CNTN4: variants seen among roughly 807,000 people sequenced by gnomAD.
CNTN4 encodes contactin-4.
CNTN4 carries 77 observed loss-of-function variants against 122.5 expected under a neutral mutation model. The ratio of observed to expected loss-of-function variants is 0.63; its 90% CI spans 0.52 to 0.76. The LOEUF (loss-of-function observed/expected upper bound fraction) is 0.76. Among genes scored for constraint, CNTN4 ranks in the 30% least tolerant of loss-of-function variants. The pLI is 0.00. For missense variants in CNTN4, 1,256 were observed against 1,259.1 expected (o/e 1.00, Z 0.04); for synonymous variants, 512 against 447.0 (o/e 1.15, Z -1.83).
chr3:2,800,421 C>T (rs1444862787), intron 6 of CNTN4, among the ~76,000 whole-genome samples: 1 of 152,110 alleles, frequency 6.6e-6, no homozygotes, highest in Admixed American at 6.5e-5. Flanking sequence ...AATCTCACAG[C>T]ATTTTGTTTA....
intron 3 of CNTN4, among the ~76,000 whole-genome samples, chr3:2,366,578 T>A (rs528782275): frequency 2.6e-5 from 4 of 151,966 alleles, no homozygotes; most frequent in Non-Finnish European, 5.9e-5. Flanking sequence ...ATACAAAAAA[T>A]TAGCCAGGCA....
chr3:2,196,035 A>C (rs1296660147), intron 2 of CNTN4, among the ~76,000 whole-genome samples: 1 of 152,214 alleles, frequency 6.6e-6, no homozygotes, highest in Non-Finnish European at 1.5e-5. Context: ...GATGATATAG[A>C]AATAAATAAA....
Position 2,367,625 on chromosome 3 carries a change from A to AG in CNTN4, c.-89+28394dup. Among the ~76,000 whole-genome samples, 3 of 152,116 alleles carry AG rather than the reference A, an allele frequency of 2.0e-5. No individual in the cohort carries two copies. The East Asian group carries it at 5.9e-4, about 30-fold the overall frequency. ...CTGCAACCTCCTCCTCCTGGATTCAAGGTACATACCACCACACCCGGCTAA... is the reference window on the plus strand; with the variant it reads ...CTGCAACCTCCTCCTCCTGGATTCAAGGGTACATACCACCACACCCGGCTAA... On this transcript the variant is annotated intron_variant, in intron 3 of 24. Coordinates refer to ENST00000418658, the MANE Select transcript of CNTN4 (RefSeq NM_175607.3).
intron 2 of CNTN4, among the ~76,000 whole-genome samples, chr3:2,303,862 G>T (rs1050783197): frequency 6.6e-6 from 1 of 152,154 alleles, no homozygotes; most frequent in East Asian, 1.9e-4. Context: ...GGAGCACAGC[G>T]ACTTTCCCTC....
chr3:2,705,080 C>T (rs538273541), intron 4 of CNTN4, among the ~76,000 whole-genome samples: 8 of 151,332 alleles, frequency 5.3e-5, no homozygotes, highest in Middle Eastern at 6.9e-3. Flanking sequence ...TTTATTAATT[C>T]CAAAGGCATG....
chr3:3,026,056 C>T (rs749994380), intron 14 of CNTN4, 46 bp from the exon 15 acceptor site: 2 of 1,558,652 alleles, frequency 1.3e-6, no homozygotes, highest in Non-Finnish European at 1.8e-6. Context: ...CACACAAGCT[C>T]ACAGACTTTG....
intron 13 of CNTN4, among the ~76,000 whole-genome samples, chr3:2,983,717 G>A (rs1054348559): frequency 1.3e-5 from 2 of 152,202 alleles, no homozygotes; most frequent in South Asian, 4.1e-4. Context: ...CTAAGTAGTA[G>A]AAGCATGATT....
At position 2,887,259 on chromosome 3, in the gene CNTN4, C is replaced by A. The variant is rs73112798; in HGVS notation, c.940+35C>A. 2.6e-4 allele frequency: 406 copies of A among 1,576,868 alleles called. 2 individuals carry two copies. The African/African-American group carries it at 4.7e-3, about 18-fold the overall frequency. Reference sequence around the variant, plus strand: ...TGATTTCAGTTTATCATTTATAGTGCTACAGAACTTCCTGATATTGAAATC... The same window carrying A: ...TGATTTCAGTTTATCATTTATAGTGATACAGAACTTCCTGATATTGAAATC... On this transcript the variant is annotated intron_variant, in intron 10 of 24. Transcript: ENST00000418658.
intron 2 of CNTN4, among the ~76,000 whole-genome samples, chr3:2,199,612 A>C (rs1199944368): frequency 6.6e-6 from 1 of 152,230 alleles, no homozygotes; most frequent in South Asian, 2.1e-4. Flanking sequence ...CTATGTGCCA[A>C]ACTGTTCTGG....
chr3:2,141,031 T>C (rs548937203), intron 2 of CNTN4, among the ~76,000 whole-genome samples: 85 of 152,320 alleles, frequency 5.6e-4, no homozygotes, highest in Middle Eastern at 6.8e-3. Context: ...AAATGAGATA[T>C]TACTTACTCC....
intron 14 of CNTN4, among the ~76,000 whole-genome samples, chr3:3,001,854 G>C (rs556001955): frequency 6.6e-6 from 1 of 152,170 alleles, no homozygotes; most frequent in East Asian, 1.9e-4. Flanking sequence ...ATTCTACACT[G>C]AATCTGCATT....
Position 2,245,538 on chromosome 3 carries a change from T to C in CNTN4, c.-144-93640T>C, listed in dbSNP as rs560976478. Among the ~76,000 whole-genome samples the C allele has an allele frequency of 2.6e-5, 4 of 152,184 alleles. No homozygotes were observed. The East Asian group carries it at 7.7e-4, about 29-fold the overall frequency. On this transcript the variant is annotated intron_variant, in intron 2 of 24. Transcript: ENST00000418658. ...TAATTTTCCAATAACTCCTATTGCA[T>C]TGAAACTGTTGCAACTATTCTTCAG...
intron 12 of CNTN4, among the ~76,000 whole-genome samples, chr3:2,916,796 A>AC (rs1453980862): frequency 2.0e-5 from 3 of 149,262 alleles, no homozygotes; most frequent in Non-Finnish European, 4.4e-5. Context: ...GGGGCCCCCC[A>AC]CCTCCCAGAC....
intron 2 of CNTN4, among the ~76,000 whole-genome samples, chr3:2,157,486 A>G (rs1419743353): frequency 3.3e-5 from 5 of 152,170 alleles, no homozygotes; most frequent in African/African-American, 9.7e-5. Flanking sequence ...TGGAGACTTA[A>G]GCTGTTAAAG....
At chr3:2,772,860 G>C (rs939772334) in intron 6 of CNTN4, among the ~76,000 whole-genome samples, 1 of 152,196 alleles carries the variant, frequency 6.6e-6, no homozygotes, top group East Asian at 1.9e-4. Flanking sequence ...TGTTTGAAGG[G>C]TAGGTGAAGT....
intron 2 of CNTN4, among the ~76,000 whole-genome samples, chr3:2,138,223 G>A (rs1202693702): frequency 1.3e-5 from 2 of 151,954 alleles, no homozygotes; most frequent in Non-Finnish European, 2.9e-5. Context: ...CCGCCATCAC[G>A]CCTGGCTAAT....
intron 14 of CNTN4, among the ~76,000 whole-genome samples, chr3:3,006,886 G>A (rs1398273527): frequency 3.9e-5 from 6 of 152,180 alleles, no homozygotes; most frequent in Non-Finnish European, 8.8e-5. Flanking sequence ...GGTGTTGAGT[G>A]TGTACCTTTA....
At chr3:2,699,835 G>T (rs1192037527) in intron 4 of CNTN4, among the ~76,000 whole-genome samples, 2 of 152,140 alleles carry the variant, frequency 1.3e-5, no homozygotes, top group African/African-American at 4.8e-5. Flanking sequence ...TTCTTCAACA[G>T]TAATGTGTTG....
intron 2 of CNTN4, among the ~76,000 whole-genome samples, chr3:2,295,858 G>C (rs1292820436): frequency 1.3e-5 from 2 of 152,102 alleles, no homozygotes; most frequent in Non-Finnish European, 2.9e-5. Context: ...TTTTGAATAA[G>C]GTGTAAGGAA....
Sources: gnomAD v4.1 joint callset for allele counts (sites outside exome capture counted in the v4.1 genomes callset) on GRCh38, gnomAD v4.1.1 for gene constraint, MANE v1.5 for transcripts, NCBI Gene and HGNC (gene_info 2026-07-23, HGNC 2026-07-21) for gene names.